The following HHEX variants were observed in gnomAD, a reference collection of about 807,000 sequenced individuals.
HHEX encodes hematopoietically-expressed homeobox protein HHEX.
A neutral mutation model predicts 27.0 loss-of-function variants in HHEX; 8 were observed. The observed-to-expected ratio is 0.30, with a 90% CI of 0.17 to 0.54. The LOEUF (loss-of-function observed/expected upper bound fraction) is 0.54. HHEX is among the 20% of genes least tolerant of loss of function. The pLI is 0.95. For missense variants in HHEX, 326 were observed against 357.2 expected (o/e 0.91, Z 0.70); for synonymous variants, 164 against 161.5 (o/e 1.02, Z -0.12).
chr10:92,694,923 A>G lies in HHEX; in HGVS notation c.*155A>G, dbSNP rs1483299864. Reference sequence around the variant, plus strand: ...AAATATTTGGTGCACTGCTCAATTAACAAACCTACATGGAGACCTTAATTT... The same window carrying G: ...AAATATTTGGTGCACTGCTCAATTAGCAAACCTACATGGAGACCTTAATTT... On this transcript the variant is annotated 3_prime_UTR_variant, in exon 4 of 4. Transcript: ENST00000282728. The G allele has an allele frequency of 1.6e-6, 1 of 623,142 alleles. No individual in the cohort carries two copies. The highest frequency in any genetic ancestry group is 1.8e-5 in the African/African-American group (1 of 54,370). 38.6% of individuals were successfully genotyped at this position (623,142 alleles called of 1,614,324 possible). A position where few individuals can be genotyped will look rare whatever the true frequency, so the allele number is the denominator to read the frequency against.
In HHEX at chr10:92,695,010, A is replaced by G. The variant is rs991955100; in HGVS notation, c.*242A>G. The G allele has an allele frequency of 5.2e-6, 2 of 381,912 alleles. No individual in the cohort carries two copies. The highest frequency in any genetic ancestry group is 4.2e-5 in the African/African-American group (2 of 48,180). The allele number at this position is 381,912 out of a possible 1,614,324, so 23.7% of individuals were successfully genotyped here. On this transcript the variant is annotated 3_prime_UTR_variant, in exon 4 of 4. Transcript: ENST00000282728. ...GTTTTGATAAAGTGACATTATAGTG[A>G]TTAAATTCTTCCCCCTTTAAAAAAA...
At chr10:92,690,726 C>A (rs1422858216) in intron 1 of HHEX, among the ~76,000 whole-genome samples, 1 of 152,214 alleles carries the variant, frequency 6.6e-6, no homozygotes, top group Non-Finnish European at 1.5e-5. Context: ...GGCTACGGGG[C>A]TGGACCTGGT....
rs932231605 is a variant in HHEX at position 92,690,147 on chromosome 10, C to T, written c.161C>T (p.Pro54Leu). The part of the protein sequence containing the change: ...APTPAPTLPS[P>L]NSSFTSLVSP... ...ACGCCCGCCCCCACGCTGCCGTCCC[C>T]CAACTCCTCCTTCACCAGCCTCGTG... Residue 54 changes from proline to leucine, a missense_variant, in exon 1 of 4, where the codon CCC becomes CTC. Coordinates refer to ENST00000282728, the MANE Select transcript of HHEX (RefSeq NM_002729.5). 22 of 1,552,760 alleles carry T rather than the reference C, an allele frequency of 1.4e-5. No individual in the cohort carries two copies. In the African/African-American group the frequency reaches 2.6e-4, roughly 18 times the overall value.
At chr10:92,693,064 G>C (rs982919215) in intron 3 of HHEX, among the ~76,000 whole-genome samples, 3 of 152,212 alleles carry the variant, frequency 2.0e-5, no homozygotes, top group Non-Finnish European at 4.4e-5. Flanking sequence ...TAAAGTAATT[G>C]ACAGTAAATG....
At position 92,694,601 on chromosome 10, in the gene HHEX, G is replaced by T. The variant is rs1301655370; in HGVS notation, c.646G>T (p.Asp216Tyr). ...EELESLDSSC[D>Y]QRQDLPSEQN... ...ACTGGAAAGTTTGGACAGTTCCTGTGATCAGAGGCAAGATTTGCCCAGTGA... is the reference window on the plus strand; with the variant it reads ...ACTGGAAAGTTTGGACAGTTCCTGTTATCAGAGGCAAGATTTGCCCAGTGA... The change falls in exon 4 of 4, where the codon GAT (aspartate) becomes TAT (tyrosine). Residue 216 changes from aspartate (D) to tyrosine (Y), a missense_variant. This residue lies in a region of HHEX where 68 missense variants were observed against 84.9 expected (regional missense o/e 0.80). Coordinates refer to ENST00000282728, the MANE Select transcript of HHEX (RefSeq NM_002729.5). 6.2e-7 allele frequency: 1 copy of T among 1,614,014 alleles called. No homozygotes were observed. Among genetic ancestry groups the T allele is most frequent in the Admixed American group, 1.7e-5 (1 of 60,006 alleles).
intron 3 of HHEX, 86 bp downstream of exon 3, chr10:92,692,838 T>A: frequency 8.9e-7 from 1 of 1,117,806 alleles, no homozygotes; most frequent in Non-Finnish European, 1.4e-6. Context: ...TATGCAAAAG[T>A]CATTTAAGAG....
At chr10:92,690,624 G>A (rs1845344363) in intron 1 of HHEX, among the ~76,000 whole-genome samples, 1 of 152,272 alleles carries the variant, frequency 6.6e-6, no homozygotes, top group African/African-American at 2.4e-5. Context: ...GTTACCCGGG[G>A]TGGGGCTCCC....
In HHEX at chr10:92,690,149, A is replaced by T. The variant is rs1845336745; in HGVS notation, c.163A>T (p.Asn55Tyr). Residue 55 changes from asparagine to tyrosine, a missense_variant, in exon 1 of 4, where the codon AAC becomes TAC. Coordinates refer to ENST00000282728, the MANE Select transcript of HHEX (RefSeq NM_002729.5). ...PTPAPTLPSP[N>Y]SSFTSLVSPY... ...GCCCGCCCCCACGCTGCCGTCCCCC[A>T]ACTCCTCCTTCACCAGCCTCGTGTC... The T allele has an allele frequency of 7.1e-6, 11 of 1,547,328 alleles. No homozygotes were observed. The East Asian group carries it at 2.7e-4, about 38-fold the overall frequency.
In HHEX at chr10:92,690,360, G is replaced by A. The variant is rs958144465; in HGVS notation, c.361+13G>A. 15 of 1,434,286 alleles carry A rather than the reference G, an allele frequency of 1.0e-5. No homozygotes were observed. Among genetic ancestry groups the A allele is most frequent in the Non-Finnish European group, 1.4e-5 (15 of 1,092,334 alleles). The allele number at this position is 1,434,286 out of a possible 1,614,324, so 88.8% of individuals were successfully genotyped here. On this transcript the variant is annotated intron_variant, in intron 1 of 3. Transcript: ENST00000282728. ...CACGACCCCCTGGGTAAGGCGGCCG[G>A]GCGAGGGTGGGGGCGAGGAAGCGCC...
rs1439982868 is a variant in HHEX, at chr10:92,689,978, G to A, written c.-9G>A. ...GCAGCTCTGCGAGGGGCCGGAGCGCGGCGGAGCCATGCAGTACCCGCACCC... is the reference window on the plus strand; with the variant it reads ...GCAGCTCTGCGAGGGGCCGGAGCGCAGCGGAGCCATGCAGTACCCGCACCC... On this transcript the variant is annotated 5_prime_UTR_variant, in exon 1 of 4. Coordinates refer to ENST00000282728, the MANE Select transcript of HHEX (RefSeq NM_002729.5). 6 of 1,378,404 alleles carry A rather than the reference G, an allele frequency of 4.4e-6. No individual in the cohort carries two copies. Among genetic ancestry groups the A allele is most frequent in the East Asian group, 3.1e-5 (1 of 32,734 alleles). The allele number at this position is 1,378,404 out of a possible 1,614,324, so 85.4% of individuals were successfully genotyped here. A position where few individuals can be genotyped will look rare whatever the true frequency, so the allele number is the denominator to read the frequency against.
Position 92,694,678 on chromosome 10 carries a change from C to A in HHEX, c.723C>A (p.Ala241=). The change falls in exon 4 of 4, where the codon GCC becomes GCA. Residue 241 remains alanine, a synonymous_variant. Coordinates refer to ENST00000282728, the MANE Select transcript of HHEX (RefSeq NM_002729.5). ...GCTCTCAATGTTCGCCCTCCCCTGCCTCCCAGGAAGACCTTGAATCAGAGA... is the reference window on the plus strand; with the variant it reads ...GCTCTCAATGTTCGCCCTCCCCTGCATCCCAGGAAGACCTTGAATCAGAGA... ...LDSSQCSPSP[A]SQEDLESEIS... 1 of 1,614,148 alleles carries A rather than the reference C, an allele frequency of 6.2e-7. No individual in the cohort carries two copies. Among genetic ancestry groups the A allele is most frequent in the Non-Finnish European group, 8.5e-7 (1 of 1,179,990 alleles).
rs1243542334 is a variant in HHEX, at chr10:92,694,773, C to T, written c.*5C>T. On this transcript the variant is annotated 3_prime_UTR_variant, in exon 4 of 4. Transcript: ENST00000282728. ...AGCTATTTTAATGCTGGATGATGAC[C>T]ACTGGCATTGGCATGTTCAGAAAAC... The T allele has an allele frequency of 6.3e-7, 1 of 1,587,178 alleles. No individual in the cohort carries two copies. Among genetic ancestry groups the T allele is most frequent in the South Asian group, 1.1e-5 (1 of 90,564 alleles).
rs770553856 is a variant in HHEX at position 92,694,568 on chromosome 10, AAAG to A, written c.619_621del (p.Glu207del). On this transcript the variant is annotated inframe_deletion, in exon 4 of 4. Coordinates refer to ENST00000282728, the MANE Select transcript of HHEX (RefSeq NM_002729.5). ...TCAGGAGAACCCTCAAAGCAATAAA[AAAG>A]AAGAACTGGAAAGTTTGGACAGTTC... 3.1e-6 allele frequency: 5 copies of A among 1,613,952 alleles called. No individual in the cohort carries two copies. The highest frequency in any genetic ancestry group is 2.2e-5 in the South Asian group (2 of 91,080).
intron 3 of HHEX, among the ~76,000 whole-genome samples, chr10:92,692,960 A>G (rs1845372261): frequency 6.6e-6 from 1 of 152,214 alleles, no homozygotes; most frequent in Non-Finnish European, 1.5e-5. Context: ...TCCTATATCA[A>G]TTATGCTTGG....
intron 1 of HHEX, among the ~76,000 whole-genome samples, chr10:92,690,934 C>T (rs1030981840): frequency 3.3e-5 from 5 of 152,174 alleles, no homozygotes; most frequent in Non-Finnish European, 7.3e-5. Context: ...AGGAAACACT[C>T]GACTTCTGAT....
Position 92,694,934 on chromosome 10 carries a change from T to G in HHEX, c.*166T>G, listed in dbSNP as rs1437164649. Reference sequence around the variant, plus strand: ...GCACTGCTCAATTAACAAACCTACATGGAGACCTTAATTTTGACTTAACAA... The same window carrying G: ...GCACTGCTCAATTAACAAACCTACAGGGAGACCTTAATTTTGACTTAACAA... On this transcript the variant is annotated 3_prime_UTR_variant, in exon 4 of 4. Transcript: ENST00000282728. 1.6e-6 allele frequency: 1 copy of G among 608,006 alleles called. No individual in the cohort carries two copies. Among genetic ancestry groups the G allele is most frequent in the Non-Finnish European group, 2.9e-6 (1 of 345,244 alleles). 37.7% of individuals were successfully genotyped at this position (608,006 alleles called of 1,614,324 possible). A position where few individuals can be genotyped will look rare whatever the true frequency, so the allele number is the denominator to read the frequency against.
chr10:92,692,675 C>G, intron 2 of HHEX, 27 bp from the exon 3 acceptor site: 1 of 1,612,572 alleles, frequency 6.2e-7, no homozygotes. Context: ...GGGCTCGTTG[C>G]AAGTTTTCTT....
chr10:92,694,188 G>A (rs558650707), intron 3 of HHEX, among the ~76,000 whole-genome samples: 1 of 152,318 alleles, frequency 6.6e-6, no homozygotes, highest in East Asian at 1.9e-4. Flanking sequence ...TGAAGTTAAG[G>A]TGTATCTGTA....
At position 92,692,530 on chromosome 10, in the gene HHEX, A is replaced by G; in HGVS notation, c.524A>G (p.Gln175Arg). The G allele has an allele frequency of 6.2e-7, 1 of 1,613,756 alleles. No homozygotes were observed. The highest frequency in any genetic ancestry group is 8.5e-7 in the Non-Finnish European group (1 of 1,179,892). The change falls in exon 2 of 4, where the codon CAG becomes CGG. Residue 175 changes from glutamine to arginine, a missense_variant. Coordinates refer to ENST00000282728, the MANE Select transcript of HHEX (RefSeq NM_002729.5). ...PERKRLAKML[Q>R]LSERQVKTWF... ...AGGAAGCGTCTGGCCAAGATGCTGC[A>G]GCTCAGCGAGAGACAGGTGAGCTCG...
Sources: gnomAD v4.1 joint callset for allele counts (sites outside exome capture counted in the v4.1 genomes callset) on GRCh38, gnomAD v4.1.1 for gene constraint, gnomAD v4.1.1 regional missense constraint, MANE v1.5 for transcripts, NCBI Gene and HGNC (gene_info 2026-07-23, HGNC 2026-07-21) for gene names.